The following OSBPL9 variants were observed in gnomAD, a reference collection of about 807,000 sequenced individuals.
OSBPL9 encodes oxysterol-binding protein-related protein 9.
A neutral mutation model predicts 106.6 loss-of-function variants in OSBPL9; 40 were observed. The observed-to-expected ratio is 0.38, with a 90% CI of 0.29 to 0.49. The LOEUF (loss-of-function observed/expected upper bound fraction) is 0.49. Among genes scored for constraint, OSBPL9 ranks in the 20% least tolerant of loss-of-function variants. OSBPL9 has a pLI of 0.97. For missense variants in OSBPL9, 609 were observed against 887.2 expected (o/e 0.69, Z 3.98); for synonymous variants, 269 against 295.4 (o/e 0.91, Z 0.92).
chr1:51,607,200 G>A (rs1418491824), intron 2 of OSBPL9, among the ~76,000 whole-genome samples: 1 of 121,750 alleles, frequency 8.2e-6, no homozygotes, highest in Non-Finnish European at 1.6e-5. Context: ...GTCATGCTCT[G>A]TCAGTGAGGC....
At chr1:51,654,571 A>G (rs1451606798) in intron 2 of OSBPL9, among the ~76,000 whole-genome samples, 2 of 152,172 alleles carry the variant, frequency 1.3e-5, no homozygotes, top group Non-Finnish European at 2.9e-5. Context: ...TGTTCATAGG[A>G]TATATAACAT....
the OSBPL9 span, among the ~76,000 whole-genome samples, chr1:51,543,072 G>A: frequency 5.9e-5 from 9 of 152,156 alleles, no homozygotes; most frequent in Non-Finnish European, 1.2e-4. Flanking sequence ...TTTTTCTTGT[G>A]AGACTGTAAT....
At chr1:51,752,999 T>C (rs1669591583) in intron 8 of OSBPL9, among the ~76,000 whole-genome samples, 1 of 152,212 alleles carries the variant, frequency 6.6e-6, no homozygotes, top group South Asian at 2.1e-4. Context: ...AGGTGCCTGA[T>C]AAATAACTGA....
the OSBPL9 span, among the ~76,000 whole-genome samples, chr1:51,531,204 C>T: frequency 1.3e-5 from 2 of 151,102 alleles, no homozygotes; most frequent in African/African-American, 2.4e-5. Flanking sequence ...CTGGAACCTG[C>T]GAGGCAGAGG....
Position 51,784,446 on chromosome 1 carries a change from A to G in OSBPL9, c.1693A>G (p.Ile565Val), listed in dbSNP as rs754863305. 4.3e-6 allele frequency: 7 copies of G among 1,614,138 alleles called. No individual in the cohort carries two copies. In the East Asian group the frequency reaches 8.9e-5, roughly 21 times the overall value. The part of the protein sequence containing the change: ...LTFPNGYGRS[I>V]LTVPWVELGG... The stretch of plus-strand genomic sequence containing the variant: ...TAAAAACTTTTGATTTTGCAGGTCT[A>G]TCCTCACAGTGCCCTGGGTGGAATT... Residue 565 changes from isoleucine to valine, a missense_variant, in exon 20 of 24, where the codon ATC (isoleucine) becomes GTC (valine). Coordinates refer to ENST00000428468, the MANE Select transcript of OSBPL9 (RefSeq NM_024586.6).
intron 4 of OSBPL9, among the ~76,000 whole-genome samples, chr1:51,721,561 C>T (rs2148912267): frequency 6.6e-6 from 1 of 152,210 alleles, no homozygotes; most frequent in East Asian, 1.9e-4. Context: ...CTTGATTCTA[C>T]CCTCAATAGC....
chr1:51,661,192 A>G (rs1647125926), intron 2 of OSBPL9, among the ~76,000 whole-genome samples: 1 of 152,232 alleles, frequency 6.6e-6, no homozygotes, highest in Admixed American at 6.5e-5. Flanking sequence ...AGCACTGTCT[A>G]CATTCCTTTT....
At chr1:51,656,524 A>G (rs1646823206) in intron 2 of OSBPL9, among the ~76,000 whole-genome samples, 1 of 152,034 alleles carries the variant, frequency 6.6e-6, no homozygotes, top group Non-Finnish European at 1.5e-5. Context: ...TGATGAGCTC[A>G]TCGCTTAAGA....
intron 5 of OSBPL9, 108 bp from the exon 6 acceptor site, chr1:51,746,602 C>G (rs1402777900): frequency 1.4e-6 from 1 of 701,008 alleles, no homozygotes; most frequent in East Asian, 3.3e-5. Context: ...ATAAATCATC[C>G]CTGGACAAAA....
chr1:51,661,555 C>G (rs980814027), intron 2 of OSBPL9, among the ~76,000 whole-genome samples: 1 of 152,130 alleles, frequency 6.6e-6, no homozygotes, highest in Non-Finnish European at 1.5e-5. Flanking sequence ...ACTGATAGAA[C>G]TTTAAGAAGC....
At chr1:51,653,917 A>G (rs1463171829) in intron 2 of OSBPL9, among the ~76,000 whole-genome samples, 1 of 152,076 alleles carries the variant, frequency 6.6e-6, no homozygotes, top group Non-Finnish European at 1.5e-5. Context: ...CAGGAGGATC[A>G]CTTGAGCCCA....
At chr1:51,747,553 CTTTTTTTTTTTTTT>C (rs746109312) in intron 6 of OSBPL9, among the ~76,000 whole-genome samples, 1 of 42,384 alleles carries the variant, frequency 2.4e-5, no homozygotes, top group Non-Finnish European at 4.8e-5. Flanking sequence ...CTCTCCTTGG[CTTTTTTTTTTTTTT>C]TTTTTTTTTT....
chr1:51,618,072 C>A (rs918809795), intron 1 of OSBPL9, among the ~76,000 whole-genome samples: 1 of 151,604 alleles, frequency 6.6e-6, no homozygotes, highest in Admixed American at 6.6e-5. Flanking sequence ...GGCTGGCGTG[C>A]AATGGCATCA....
At position 51,786,512 on chromosome 1, in the gene OSBPL9, C is replaced by G; in HGVS notation, c.1909-14C>G. ...TTATGGGTCTAGTTCCCATCCACCTCTATTGTTTTCTAGGAAAATACAGTC... is the reference window on the plus strand; with the variant it reads ...TTATGGGTCTAGTTCCCATCCACCTGTATTGTTTTCTAGGAAAATACAGTC... On this transcript the variant is annotated splice_polypyrimidine_tract_variant and intron_variant, in intron 21 of 23. Transcript: ENST00000428468. 1.3e-6 allele frequency: 2 copies of G among 1,553,940 alleles called. No individual in the cohort carries two copies. Among genetic ancestry groups the G allele is most frequent in the Non-Finnish European group, 1.8e-6 (2 of 1,126,664 alleles).
At chr1:51,740,822 A>G (rs971685716) in intron 4 of OSBPL9, among the ~76,000 whole-genome samples, 1 of 152,182 alleles carries the variant, frequency 6.6e-6, no homozygotes, top group African/African-American at 2.4e-5. Flanking sequence ...TCTGGACTCA[A>G]GAACTTCACC....
intron 4 of OSBPL9, among the ~76,000 whole-genome samples, chr1:51,730,857 G>A (rs1664215242): frequency 6.6e-6 from 1 of 152,164 alleles, no homozygotes; most frequent in Admixed American, 6.5e-5. Flanking sequence ...GAAGCTGGAA[G>A]CATCTTAGAA....
upstream of OSBPL9, among the ~76,000 whole-genome samples, chr1:51,575,710 C>T (rs1339339766): frequency 6.6e-6 from 1 of 152,130 alleles, no homozygotes; most frequent in Non-Finnish European, 1.5e-5. Flanking sequence ...ATATGCTGCT[C>T]TTCCATATCG....
the OSBPL9 span, among the ~76,000 whole-genome samples, chr1:51,552,762 T>A: frequency 6.6e-6 from 1 of 151,872 alleles, no homozygotes; most frequent in African/African-American, 2.4e-5. Context: ...GTAGCTGGGA[T>A]TACAGGCACC....
At chr1:51,693,537 C>T (rs1295708163) in intron 3 of OSBPL9, among the ~76,000 whole-genome samples, 5 of 152,162 alleles carry the variant, frequency 3.3e-5, no homozygotes, top group Middle Eastern at 3.4e-3. Flanking sequence ...ATATAGGAGG[C>T]GTAGTAAGGC....
Sources: allele counts gnomAD v4.1 joint callset (sites outside exome capture counted in the v4.1 genomes callset), GRCh38; gene constraint gnomAD v4.1.1; transcripts MANE v1.5; gene names NCBI Gene and HGNC (gene_info 2026-07-23, HGNC 2026-07-21).